CAMTA1: variants seen among roughly 807,000 people sequenced by gnomAD.
The protein encoded by CAMTA1 is calmodulin binding transcription activator 1.
A neutral mutation model predicts 170.9 loss-of-function variants in CAMTA1; 27 were observed. That is an observed-to-expected ratio of 0.16 (90% confidence interval 0.12 to 0.22). The LOEUF (loss-of-function observed/expected upper bound fraction) is 0.22, where lower values mean the gene tolerates loss of function less well. CAMTA1 is among the 10% of genes least tolerant of loss of function. CAMTA1 has a pLI of 1.00. For missense variants in CAMTA1, 1,619 were observed against 2,217.2 expected (o/e 0.73, Z 5.42); for synonymous variants, 833 against 891.5 (o/e 0.93, Z 1.17).
rs117878058 is a variant in CAMTA1 at position 6,956,446 on chromosome 1, C to T, written c.234+131236C>T. On this transcript the variant is annotated intron_variant, in intron 3 of 22. Transcript: ENST00000303635. ...TACTCTCTTTGGCTGGTCCTCTTCA[C>T]TCTCTTGTTTACCATTTGCTGTTAA... Among the ~76,000 whole-genome samples, 186 of 152,318 alleles carry T rather than the reference C, an allele frequency of 1.2e-3. 5 individuals carry two copies. The East Asian group carries it at 0.028, about 23-fold the overall frequency.
At chr1:7,004,381 A>AGC in intron 3 of CAMTA1, among the ~76,000 whole-genome samples, 1 of 152,348 alleles carries the variant, frequency 6.6e-6, no homozygotes. Context: ...AAGAGGAGGC[A>AGC]GCTGCTCTGG....
At chr1:7,157,063 G>A (rs1646924401) in intron 4 of CAMTA1, among the ~76,000 whole-genome samples, 2 of 152,092 alleles carry the variant, frequency 1.3e-5, no homozygotes, top group African/African-American at 4.8e-5. Flanking sequence ...AAAACTTTTG[G>A]CCGGGCGCGG....
chr1:7,101,824 T>G (rs1271706815), intron 4 of CAMTA1, among the ~76,000 whole-genome samples: 1 of 152,184 alleles, frequency 6.6e-6, no homozygotes, highest in African/African-American at 2.4e-5. Flanking sequence ...CATATACACA[T>G]GTACACATGT....
Position 6,827,797 on chromosome 1 carries a change from G to A in CAMTA1, c.234+2587G>A, listed in dbSNP as rs1490454438. On this transcript the variant is annotated intron_variant, in intron 3 of 22. Transcript: ENST00000303635. ...TCCCTTGACTTGCTCATAAAGTAAA[G>A]TTTAGTCAGACTGCCCTTATTAAGA... is the stretch of plus-strand genomic sequence containing the variant. Among the ~76,000 whole-genome samples, 7 of 152,156 alleles carry A rather than the reference G, an allele frequency of 4.6e-5. No homozygotes were observed. In the East Asian group the frequency reaches 1.3e-3, roughly 29 times the overall value.
chr1:7,148,074 C>A (rs1646334991), intron 4 of CAMTA1, among the ~76,000 whole-genome samples: 1 of 151,130 alleles, frequency 6.6e-6, no homozygotes, highest in African/African-American at 2.4e-5. Context: ...AACACACACT[C>A]ATACACCATG....
chr1:7,290,431 A>G (rs1276088722), intron 5 of CAMTA1, among the ~76,000 whole-genome samples: 2 of 152,290 alleles, frequency 1.3e-5, no homozygotes, highest in African/African-American at 2.4e-5. Flanking sequence ...GGATGTTACT[A>G]TATGTCACCC....
intron 5 of CAMTA1, among the ~76,000 whole-genome samples, chr1:7,444,437 T>C (rs995934285): frequency 1.3e-5 from 2 of 152,222 alleles, no homozygotes; most frequent in African/African-American, 4.8e-5. Flanking sequence ...GGAGGCAGCT[T>C]GGGCTGCAGT....
At chr1:7,475,669 G>A (rs911454419) in intron 6 of CAMTA1, among the ~76,000 whole-genome samples, 5 of 152,236 alleles carry the variant, frequency 3.3e-5, no homozygotes, top group African/African-American at 4.8e-5. Context: ...CTGGCCGTGC[G>A]TGACGGCCAC....
chr1:7,710,729 TCTC>T (rs1459880138), intron 11 of CAMTA1, among the ~76,000 whole-genome samples: 1 of 146,394 alleles, frequency 6.8e-6, no homozygotes, highest in Admixed American at 6.9e-5. Flanking sequence ...CCCACCCCAC[TCTC>T]CTCCTCTATG....
chr1:7,415,736 A>T (rs1204917860), intron 5 of CAMTA1, among the ~76,000 whole-genome samples: 1 of 152,190 alleles, frequency 6.6e-6, no homozygotes, highest in Non-Finnish European at 1.5e-5. Flanking sequence ...GTGTCTTTTA[A>T]TTGGAGCATT....
In CAMTA1 at chr1:7,142,144, T is replaced by G. The variant is rs1012303309; in HGVS notation, c.302+50773T>G. 2 of 518,582 alleles carry G rather than the reference T, an allele frequency of 3.9e-6. 1 individual carries two copies. The highest frequency in any genetic ancestry group is 3.9e-5 in the African/African-American group (2 of 51,938). 32.1% of individuals were successfully genotyped at this position (518,582 alleles called of 1,614,324 possible). On this transcript the variant is annotated intron_variant, in intron 4 of 22. Coordinates refer to ENST00000303635, the MANE Select transcript of CAMTA1 (RefSeq NM_015215.4). ...GTGCCCAGATGTTCCTCTGCAGTCT[T>G]GGAGAGCCCTGCTCTACTGCCAGCA...
chr1:6,957,367 T>C (rs1330395909), intron 3 of CAMTA1, among the ~76,000 whole-genome samples: 2 of 152,136 alleles, frequency 1.3e-5, no homozygotes, highest in Non-Finnish European at 2.9e-5. Context: ...GTGACACAAA[T>C]GTACTATCTT....
chr1:6,880,348 A>G (rs1168969542), intron 3 of CAMTA1, among the ~76,000 whole-genome samples: 1 of 148,426 alleles, frequency 6.7e-6, no homozygotes, highest in East Asian at 2.0e-4. Context: ...GTGTGGGGTT[A>G]CAGGCATGAG....
rs143630062 is a variant in CAMTA1 at position 7,663,626 on chromosome 1, T to G, written c.1079T>G (p.Val360Gly). Residue 360 changes from valine (V) to glycine (G), a missense_variant, in exon 9 of 23, where the codon GTG (valine) becomes GGG (glycine). Transcript: ENST00000303635. The part of the protein sequence containing the change: ...EVPDTTQSSP[V>G]SISSGLNSDP... ...CCCGACACCACCCAGAGCTCCCCTG[T>G]GTCCATCAGCAGCGGGCTCAACAGC... 88 of 1,614,120 alleles carry G rather than the reference T, an allele frequency of 5.5e-5. No homozygotes were observed. Among genetic ancestry groups the G allele is most frequent in the Middle Eastern group, 1.6e-4 (1 of 6,062 alleles).
At chr1:7,340,835 C>T (rs116276821) in intron 5 of CAMTA1, among the ~76,000 whole-genome samples, 2,489 of 152,084 alleles carry the variant, frequency 0.016, 73 homozygotes, top group African/African-American at 0.058. Flanking sequence ...AATTAGACCA[C>T]AAGAATTCAG....
chr1:7,432,039 C>T (rs2092185004), intron 5 of CAMTA1, among the ~76,000 whole-genome samples: 2 of 152,336 alleles, frequency 1.3e-5, no homozygotes, highest in African/African-American at 4.8e-5. Context: ...AAGAAGCCTG[C>T]AGTCAGTTCT....
At chr1:7,006,581 G>A (rs1699033708) in intron 3 of CAMTA1, among the ~76,000 whole-genome samples, 1 of 152,150 alleles carries the variant, frequency 6.6e-6, no homozygotes, top group Admixed American at 6.5e-5. Flanking sequence ...CCATCTCTAA[G>A]GCCAGCTGGA....
At chr1:7,755,703 T>C in intron 22 of CAMTA1, 35 bp downstream of exon 22, 1 of 1,605,278 alleles carries the variant, frequency 6.2e-7, no homozygotes, top group Non-Finnish European at 8.5e-7. Flanking sequence ...GTTTCTCTTC[T>C]CTTCCATTTT....
intron 6 of CAMTA1, among the ~76,000 whole-genome samples, chr1:7,595,048 C>G (rs1025842956): frequency 2.6e-5 from 4 of 152,194 alleles, no homozygotes; most frequent in African/African-American, 9.6e-5. Flanking sequence ...CATCTTAGGT[C>G]ATGAGACAGG....
Sources: gnomAD v4.1 joint callset for allele counts (sites outside exome capture counted in the v4.1 genomes callset) on GRCh38, gnomAD v4.1.1 for gene constraint, MANE v1.5 for transcripts, NCBI Gene and HGNC (gene_info 2026-07-23, HGNC 2026-07-21) for gene names.